The following PAX7 variants were observed in gnomAD, a reference collection of about 807,000 sequenced individuals.
PAX7 encodes paired box 7, also known as paired box protein Pax-7.
PAX7 carries 18 observed loss-of-function variants against 50.7 expected under a neutral mutation model. The observed-to-expected ratio is 0.36, with a 90% confidence interval of 0.25 to 0.53. PAX7 has a LOEUF of 0.53. Ranked by LOEUF, PAX7 falls within the 20% of genes least tolerant of loss-of-function variation. The pLI, the probability that PAX7 is intolerant of heterozygous loss-of-function variation, is 0.93. For synonymous variants in PAX7, 310 were observed against 290.4 expected (o/e 1.07, Z -0.69); for missense variants, 644 against 702.9 (o/e 0.92, Z 0.95).
At chr1:18,661,664 T>C (rs2088601265) in intron 4 of PAX7, among the ~76,000 whole-genome samples, 1 of 152,232 alleles carries the variant, frequency 6.6e-6, no homozygotes, top group South Asian at 2.1e-4. Context: ...TGGCACACAG[T>C]AGGTGCTCAG....
chr1:18,723,470 A>G (rs1289438437), intron 7 of PAX7, among the ~76,000 whole-genome samples: 6 of 152,216 alleles, frequency 3.9e-5, no homozygotes, highest in Non-Finnish European at 7.3e-5. Context: ...GATGATTGGG[A>G]TGTCTGAAGT....
intron 4 of PAX7, among the ~76,000 whole-genome samples, chr1:18,640,517 G>A (rs2088235055): frequency 2.0e-5 from 3 of 151,988 alleles, no homozygotes; most frequent in South Asian, 4.2e-4. Context: ...GCGGGGGCGA[G>A]GGAGGGGACG....
In PAX7 at chr1:18,744,677, G is replaced by GATAA. The variant is rs1557564664; in HGVS notation, c.1403-135_1403-134insAAAT. The GATAA allele has an allele frequency of 2.5e-5, 15 of 611,684 alleles. No homozygotes were observed. The East Asian group carries it at 4.3e-4, about 17-fold the overall frequency. 37.9% of individuals were successfully genotyped at this position (611,684 alleles called of 1,614,324 possible). A position where few individuals can be genotyped will look rare whatever the true frequency, so the allele number is the denominator to read the frequency against. The stretch of plus-strand genomic sequence containing the variant: ...GACAGGACGGATGGATGGATGGATG[G>GATAA]ATGGATGGATAAATGGATGGATGGA... On this transcript the variant is annotated intron_variant, in intron 8 of 8. Coordinates refer to ENST00000420770, the MANE Select transcript of PAX7 (RefSeq NM_001135254.2).
intron 7 of PAX7, among the ~76,000 whole-genome samples, chr1:18,729,172 G>T (rs1347861321): frequency 1.3e-5 from 2 of 152,236 alleles, no homozygotes; most frequent in Non-Finnish European, 2.9e-5. Flanking sequence ...GGCAAGCTGT[G>T]TTCTGACAAT....
rs1478012581 is a variant in PAX7, at chr1:18,636,675, C to A, written c.586+304C>A. On this transcript the variant is annotated intron_variant, in intron 4 of 8. Transcript: ENST00000420770. The surrounding 1 kb of genome is among the most constrained non-coding windows in gnomAD (Gnocchi z 5.1). The stretch of plus-strand genomic sequence containing the variant: ...GCGCGCCTGGTCTACCCCAATACTG[C>A]GGGGAGTGCGTCCTCCCGGGCTGGC... Among the ~76,000 whole-genome samples, 2 of 146,154 alleles carry A rather than the reference C, an allele frequency of 1.4e-5. No homozygotes were observed. The highest frequency in any genetic ancestry group is 5.0e-5 in the African/African-American group (2 of 40,246).
At position 18,744,947 on chromosome 1, in the gene PAX7, G is replaced by A. The variant is rs1225074300; in HGVS notation, c.*18G>A. On this transcript the variant is annotated 3_prime_UTR_variant, in exon 9 of 9. Transcript: ENST00000420770. ...CCTACTAGGGCCCCTGGGGCGACTT[G>A]CCCCAGCCCAATTCCCAGCCCAACC... The A allele has an allele frequency of 4.2e-6, 6 of 1,418,250 alleles. No homozygotes were observed. The highest frequency in any genetic ancestry group is 1.2e-5 in the South Asian group (1 of 81,260). 87.9% of individuals were successfully genotyped at this position (1,418,250 alleles called of 1,614,324 possible).
At chr1:18,658,353 AG>A (rs2088554564) in intron 4 of PAX7, among the ~76,000 whole-genome samples, 1 of 152,052 alleles carries the variant, frequency 6.6e-6, no homozygotes, top group Non-Finnish European at 1.5e-5. Flanking sequence ...CAGCAAGAGA[AG>A]GGGGTTCTGA....
At chr1:18,656,054 C>T (rs1314489322) in intron 4 of PAX7, among the ~76,000 whole-genome samples, 9 of 152,046 alleles carry the variant, frequency 5.9e-5, no homozygotes, top group South Asian at 2.1e-4. Flanking sequence ...AACCCATCTG[C>T]GATATGGGTA....
At chr1:18,729,333 G>C (rs570813180) in intron 7 of PAX7, among the ~76,000 whole-genome samples, 1 of 152,276 alleles carries the variant, frequency 6.6e-6, no homozygotes, top group African/African-American at 2.4e-5. Context: ...CCCAAGACAG[G>C]GGGCAGGAGG....
intron 4 of PAX7, among the ~76,000 whole-genome samples, chr1:18,686,633 C>G (rs2088979702): frequency 6.6e-6 from 1 of 152,124 alleles, no homozygotes; most frequent in Non-Finnish European, 1.5e-5. Context: ...TAATTTAACT[C>G]TGAGGCTAAA....
chr1:18,745,907 G>T lies in PAX7; in HGVS notation c.*978G>T. On this transcript the variant is annotated 3_prime_UTR_variant, in exon 9 of 9. Coordinates refer to ENST00000420770, the MANE Select transcript of PAX7 (RefSeq NM_001135254.2). ...TTCATAACCAGATCCCTCTGTTTGT[G>T]GGAGGGCAAGCCTTTGTTGCCCAAG... 4.3e-6 allele frequency: 1 copy of T among 231,970 alleles called. No homozygotes were observed. The highest frequency in any genetic ancestry group is 8.5e-6 in the Non-Finnish European group (1 of 117,226). The allele number at this position is 231,970 out of a possible 1,614,324, so 14.4% of individuals were successfully genotyped here. A position where few individuals can be genotyped will look rare whatever the true frequency, so the allele number is the denominator to read the frequency against.
At chr1:18,725,302 G>GCCCCCCCCCCCCCC in intron 7 of PAX7, among the ~76,000 whole-genome samples, 1 of 106,428 alleles carries the variant, frequency 9.4e-6, no homozygotes, top group South Asian at 3.6e-4. Context: ...AGGTGGAGAC[G>GCCCCCCCCCCCCCC]CCCCCCCCCC....
chr1:18,645,183 G>A (rs1036750726), intron 4 of PAX7, among the ~76,000 whole-genome samples: 1 of 152,182 alleles, frequency 6.6e-6, no homozygotes, highest in South Asian at 2.1e-4. Context: ...GTGTGTTTGC[G>A]GGGCTGGGGC....
intron 4 of PAX7, among the ~76,000 whole-genome samples, chr1:18,655,582 G>A (rs780900075): frequency 3.9e-5 from 6 of 152,240 alleles, no homozygotes; most frequent in Non-Finnish European, 7.3e-5. Context: ...GTGGCTCAGG[G>A]CTGCAGTCGG....
At chr1:18,633,772 T>G (rs1256431682) in intron 1 of PAX7, among the ~76,000 whole-genome samples, 2 of 152,190 alleles carry the variant, frequency 1.3e-5, no homozygotes, top group Admixed American at 1.3e-4. Context: ...GCCAGGCCTT[T>G]CTAGCCCCCA....
chr1:18,659,670 G>C (rs2088573203), intron 4 of PAX7, among the ~76,000 whole-genome samples: 1 of 152,174 alleles, frequency 6.6e-6, no homozygotes, highest in Admixed American at 6.5e-5. Flanking sequence ...GCTCTTGCCT[G>C]AGAGGTGGGA....
Position 18,697,445 on chromosome 1 carries a change from G to T in PAX7, c.787-3208G>T, listed in dbSNP as rs972299060. Among the ~76,000 whole-genome samples the T allele has an allele frequency of 4.1e-4, 63 of 152,172 alleles. 2 individuals carry two copies. On this transcript the variant is annotated intron_variant, in intron 5 of 8. Transcript: ENST00000420770. ...ATGATACTTACCTGTGGCTGGCGCT[G>T]TTCTAAGCATGTTGCCTGTGCTAGC...
rs2089578121 is a variant in PAX7, at chr1:18,726,844, A to T, written c.1156-8788A>T. Among the ~76,000 whole-genome samples, 2 of 152,172 alleles carry T rather than the reference A, an allele frequency of 1.3e-5. No individual in the cohort carries two copies. The highest frequency in any genetic ancestry group is 2.4e-5 in the African/African-American group (1 of 41,426). Reference sequence around the variant, plus strand: ...GTCTGTATATCAAGCTGCACGTGGGAGGAGAAGAGACCCCACCAGGGTTGT... The same window carrying T: ...GTCTGTATATCAAGCTGCACGTGGGTGGAGAAGAGACCCCACCAGGGTTGT... On this transcript the variant is annotated intron_variant, in intron 7 of 8. Transcript: ENST00000420770. The surrounding 1 kb of genome is among the most constrained non-coding windows in gnomAD (Gnocchi z 4.8).
chr1:18,676,472 A>G (rs1183430902), intron 4 of PAX7, among the ~76,000 whole-genome samples: 2 of 118,036 alleles, frequency 1.7e-5, no homozygotes, highest in Admixed American at 2.1e-4. Context: ...CGGAGACACA[A>G]GAGGCCCATG....
Sources: gnomAD v4.1 joint callset for allele counts (sites outside exome capture counted in the v4.1 genomes callset) on GRCh38, gnomAD v4.1.1 for gene constraint, Gnocchi (gnomAD v3.1) non-coding constraint, MANE v1.5 for transcripts, NCBI Gene and HGNC (gene_info 2026-07-23, HGNC 2026-07-21) for gene names.